The following ATP6V0A1 variants were observed in gnomAD, a reference collection of about 807,000 sequenced individuals.
The protein encoded by ATP6V0A1 is ATPase H+ transporting V0 subunit a1, also known as V-type proton ATPase 116 kDa subunit a 1.
ATP6V0A1 carries 43 observed loss-of-function variants against 105.4 expected under a neutral mutation model. The observed-to-expected ratio is 0.41, with a 90% CI of 0.32 to 0.53. The LOEUF is 0.53. Among genes scored for constraint, ATP6V0A1 ranks in the 20% least tolerant of loss-of-function variants. ATP6V0A1 has a pLI of 0.30. For missense variants in ATP6V0A1, 676 were observed against 1,051.1 expected, an observed-to-expected ratio of 0.64 and a Z score of 4.93; for synonymous variants, 362 against 372.8, an observed-to-expected ratio of 0.97 and a Z score of 0.33.
At position 42,500,801 on chromosome 17, in the gene ATP6V0A1, T is replaced by C. The variant is rs144777006; in HGVS notation, c.1774T>C (p.Tyr592His). 234 of 1,613,876 alleles carry C rather than the reference T, an allele frequency of 1.4e-4. No homozygotes were observed. Among genetic ancestry groups the C allele is most frequent in the Non-Finnish European group, 1.4e-4 (164 of 1,179,836 alleles). ...TGGCTATTTGGTTATCCTTATTTTT[T>C]ACAAGTGGACGGCCTATGATGCTCA... ...LFGYLVILIF[Y>H]KWTAYDAHTS... is the part of the protein sequence containing the mutation. Residue 592 changes from tyrosine (Y) to histidine (H), a missense_variant, in exon 16 of 22, where the codon TAC becomes CAC. Tyr to His is a moderately conservative substitution (Grantham distance 83). Around this residue, in one of 3 missense-constraint regions of ATP6V0A1, gnomAD observed 435 missense variants for 642.2 expected, o/e 0.68. Coordinates refer to ENST00000343619, the MANE Select transcript of ATP6V0A1 (RefSeq NM_001130021.3).
intron 18 of ATP6V0A1, among the ~76,000 whole-genome samples, chr17:42,508,189 C>T (rs543671893): frequency 2.0e-5 from 3 of 152,322 alleles, no homozygotes; most frequent in African/African-American, 7.2e-5. Flanking sequence ...CAAGCCCACT[C>T]TCCTTGCCTG....
At chr17:42,499,113 C>T (rs1193968016) in intron 15 of ATP6V0A1, 71 bp downstream of exon 15, 16 of 1,134,910 alleles carry the variant, frequency 1.4e-5, no homozygotes, top group Non-Finnish European at 2.0e-5. Context: ...GAAATCATGA[C>T]ATCTTTGGGG....
chr17:42,470,196 A>G lies in ATP6V0A1; in HGVS notation c.401A>G (p.Lys134Arg), dbSNP rs527951831. ...ACCGAATTAAAATTTATACTTCGCA[A>G]AACTCAGCAATTTTTTGATGAGGTC... The part of the protein sequence containing the change: ...ELTELKFILR[K>R]TQQFFDEMAD... The change falls in exon 5 of 22, where the codon AAA becomes AGA. Residue 134 changes from lysine to arginine, a missense_variant. This residue lies in a region of ATP6V0A1 where 239 missense variants were observed against 388.4 expected (regional missense o/e 0.62). Transcript: ENST00000343619. 1.2e-6 allele frequency: 2 copies of G among 1,613,210 alleles called. No homozygotes were observed. The highest frequency in any genetic ancestry group is 1.7e-6 in the Non-Finnish European group (2 of 1,179,606).
intron 10 of ATP6V0A1, among the ~76,000 whole-genome samples, chr17:42,487,740 T>A (rs4796671): frequency 1 from 151,476 of 151,700 alleles, 75,626 homozygotes; most frequent in Middle Eastern, 1. Flanking sequence ...AAAAAAAAAA[T>A]AATAATAAAA....
At chr17:42,469,954 T>C (rs2087665439) in intron 4 of ATP6V0A1, 136 bp from the exon 5 acceptor site, 1 of 908,030 alleles carries the variant, frequency 1.1e-6, no homozygotes, top group African/African-American at 1.7e-5. Flanking sequence ...TCTAGTAAAA[T>C]CACAGTATTT....
intron 19 of ATP6V0A1, 119 bp downstream of exon 19, chr17:42,508,708 C>G: frequency 7.3e-7 from 1 of 1,377,256 alleles, no homozygotes; most frequent in South Asian, 1.2e-5. Context: ...TGTGCCTCTG[C>G]ATCTCACTGG....
chr17:42,507,636 C>T lies in ATP6V0A1; in HGVS notation c.2112+9C>T, dbSNP rs2092108401. 7 of 1,611,306 alleles carry T rather than the reference C, an allele frequency of 4.3e-6. No individual in the cohort carries two copies. Among genetic ancestry groups the T allele is most frequent in the Non-Finnish European group, 5.9e-6 (7 of 1,177,614 alleles). The stretch of plus-strand genomic sequence containing the variant: ...CAGAGGACGCAGACGAGGTAAGATC[C>T]CGTGGTGTGGGCTTTCTCTCCTTCC... On this transcript the variant is annotated intron_variant, in intron 18 of 21. Coordinates refer to ENST00000343619, the MANE Select transcript of ATP6V0A1 (RefSeq NM_001130021.3).
chr17:42,461,985 T>TATC (rs2086462047), intron 2 of ATP6V0A1, among the ~76,000 whole-genome samples: 1 of 146,860 alleles, frequency 6.8e-6, no homozygotes, highest in Non-Finnish European at 1.5e-5. Flanking sequence ...GGCAGGAGGA[T>TATC]CGCTTGAGCC....
intron 5 of ATP6V0A1, among the ~76,000 whole-genome samples, chr17:42,473,352 T>C (rs1200089891): frequency 2.0e-5 from 3 of 152,242 alleles, no homozygotes; most frequent in Non-Finnish European, 2.9e-5. Flanking sequence ...TTTTGTTCAC[T>C]AATTCACTGA....
At chr17:42,466,638 A>C (rs1462832112) in intron 3 of ATP6V0A1, 131 bp downstream of exon 3, 2 of 744,662 alleles carry the variant, frequency 2.7e-6, no homozygotes, top group East Asian at 5.3e-5. Flanking sequence ...TTAAGATGCC[A>C]AGGTGTATTT....
chr17:42,498,556 G>A (rs1265978774), intron 14 of ATP6V0A1, among the ~76,000 whole-genome samples: 2 of 152,028 alleles, frequency 1.3e-5, no homozygotes, highest in African/African-American at 2.4e-5. Context: ...GACCGGGCGC[G>A]GTGGCTCACG....
rs1208563158 is a variant in ATP6V0A1, at chr17:42,494,407, G to T, written c.1248G>T (p.Met416Ile). The T allele has an allele frequency of 6.2e-7, 1 of 1,613,500 alleles. No individual in the cohort carries two copies. Among genetic ancestry groups the T allele is most frequent in the East Asian group, 2.2e-5 (1 of 44,866 alleles). ...MFGDFGHGIL[M>I]TLFAVWMVLR... ...GAGACTTCGGTCATGGCATTTTAATGACCCTTTTTGCTGTGTGGATGGTAC... is the reference window on the plus strand; with the variant it reads ...GAGACTTCGGTCATGGCATTTTAATTACCCTTTTTGCTGTGTGGATGGTAC... The change falls in exon 12 of 22, where the codon ATG becomes ATT. Residue 416 changes from methionine (M) to isoleucine (I), a missense_variant. This residue lies in a region of ATP6V0A1 where 435 missense variants were observed against 642.2 expected (regional missense o/e 0.68). Transcript: ENST00000343619.
intron 14 of ATP6V0A1, among the ~76,000 whole-genome samples, chr17:42,498,032 C>G (rs1459767574): frequency 6.6e-6 from 1 of 152,008 alleles, no homozygotes; most frequent in Non-Finnish European, 1.5e-5. Flanking sequence ...TCAGGCCAGA[C>G]CTGAGGTCAG....
At chr17:42,498,852 T>A in intron 14 of ATP6V0A1, 72 bp from the exon 15 acceptor site, 1 of 1,091,192 alleles carries the variant, frequency 9.2e-7, no homozygotes, top group Non-Finnish European at 1.4e-6. Context: ...AAAAATTGTT[T>A]TTTAAACAGA....
chr17:42,493,443 A>G (rs915798838), intron 11 of ATP6V0A1, among the ~76,000 whole-genome samples: 1 of 152,200 alleles, frequency 6.6e-6, no homozygotes, highest in Admixed American at 6.5e-5. Context: ...CAAGAGAGTC[A>G]GAGAACAAAC....
intron 7 of ATP6V0A1, 57 bp downstream of exon 7, chr17:42,478,646 G>A (rs918375827): frequency 2.7e-5 from 40 of 1,482,270 alleles, no homozygotes; most frequent in Non-Finnish European, 3.5e-5. Context: ...GCCCAGAGCA[G>A]TAACGTAGCA....
In ATP6V0A1 at chr17:42,483,754, G is replaced by A. The variant is rs140634779; in HGVS notation, c.810+623G>A. On this transcript the variant is annotated intron_variant, in intron 9 of 21. Transcript: ENST00000343619. ...GTGCCACTAAACCTGGCTAATTTTT[G>A]TATTTTTAGTAGAGACAGGGTTTCA... Among the ~76,000 whole-genome samples, 48 of 152,188 alleles carry A rather than the reference G, an allele frequency of 3.2e-4. No individual in the cohort carries two copies. In the East Asian group the frequency reaches 9.3e-3, roughly 29 times the overall value.
At chr17:42,508,187 C>T (rs760726318) in intron 18 of ATP6V0A1, among the ~76,000 whole-genome samples, 16 of 152,206 alleles carry the variant, frequency 1.1e-4, no homozygotes, top group South Asian at 2.1e-4. Flanking sequence ...TCCAAGCCCA[C>T]TCTCCTTGCC....
At chr17:42,504,602 G>A (rs1170632545) in intron 17 of ATP6V0A1, among the ~76,000 whole-genome samples, 1 of 152,162 alleles carries the variant, frequency 6.6e-6, no homozygotes, top group Non-Finnish European at 1.5e-5. Flanking sequence ...TCCAGGCTCT[G>A]GTGGCCCACA....
Sources: allele counts gnomAD v4.1 joint callset (sites outside exome capture counted in the v4.1 genomes callset), GRCh38; gene constraint gnomAD v4.1.1; regional missense constraint gnomAD v4.1.1; transcripts MANE v1.5; gene names NCBI Gene and HGNC (gene_info 2026-07-23, HGNC 2026-07-21).